Variants in APC observed in about 807,000 individuals in gnomAD.
APC encodes the protein adenomatous polyposis coli protein.
In APC, 72 loss-of-function variants were observed where a neutral mutation model predicts 247.0. The observed-to-expected ratio is 0.29, with a 90% confidence interval of 0.24 to 0.35. The LOEUF is 0.35. Among genes scored for constraint, APC ranks in the 10% least tolerant of loss-of-function variants. APC has a pLI of 1.00. For synonymous variants in APC, 1,254 were observed against 1,162.5 expected (o/e 1.08, Z -1.60); for missense variants, 3,400 against 3,360.7 (o/e 1.01, Z -0.29).
At chr5:112,815,425 C>G (rs914507634) in intron 8 of APC, 70 bp from the exon 9 acceptor site, 4 of 1,109,374 alleles carry the variant, frequency 3.6e-6, no homozygotes, top group Admixed American at 3.5e-5. Context: ...ATTTGGAGTA[C>G]CTTAACATGA....
At chr5:112,763,168 A>G (rs1158661736) in intron 2 of APC, among the ~76,000 whole-genome samples, 1 of 152,186 alleles carries the variant, frequency 6.6e-6, no homozygotes, top group Non-Finnish European at 1.5e-5. Context: ...TAAAAATAGA[A>G]CTTTATTACA....
At chr5:112,768,940 A>G (rs1756694674) in intron 4 of APC, among the ~76,000 whole-genome samples, 6 of 150,146 alleles carry the variant, frequency 4.0e-5, no homozygotes, top group Admixed American at 4.0e-4. Context: ...CTGTAATTTT[A>G]TATTCTTTAA....
upstream of APC, chr5:112,737,710 G>A (rs869312470): frequency 2.0e-5 from 9 of 445,942 alleles, no homozygotes; most frequent in Non-Finnish European, 2.4e-5. Flanking sequence ...GCGGTTGGGC[G>A]GGGCCCTGTG....
intron 1 of APC, among the ~76,000 whole-genome samples, chr5:112,716,190 T>TA (rs1751160475): frequency 6.6e-6 from 1 of 152,190 alleles, no homozygotes; most frequent in African/African-American, 2.4e-5. Flanking sequence ...TGTTTTTAAA[T>TA]ATGTTCATAA....
intron 2 of APC, among the ~76,000 whole-genome samples, chr5:112,760,040 T>C (rs1244234881): frequency 6.6e-6 from 1 of 152,194 alleles, no homozygotes; most frequent in Admixed American, 6.5e-5. Flanking sequence ...CTTTATTAAC[T>C]ATAATTCTTA....
chr5:112,724,251 TGAA>T (rs1561406833), intron 1 of APC, among the ~76,000 whole-genome samples: 1 of 151,924 alleles, frequency 6.6e-6, no homozygotes, highest in Non-Finnish European at 1.5e-5. Context: ...TGTATAGTTA[TGAA>T]GAAGAAAAAG....
chr5:112,802,885 A>G (rs541564267), intron 8 of APC, among the ~76,000 whole-genome samples: 1 of 152,236 alleles, frequency 6.6e-6, no homozygotes, highest in South Asian at 2.1e-4. Flanking sequence ...GTATTTATAT[A>G]CCAGCTATTT....
rs187077131 is a variant in APC, at chr5:112,758,516, G to A, written c.135+3491G>A. 6.2e-3 allele frequency among the ~76,000 whole-genome samples: 937 copies of A among 152,120 alleles called. 7 individuals are homozygous for A. Among genetic ancestry groups the A allele is most frequent in the Middle Eastern group, 0.01 (3 of 294 alleles). On this transcript the variant is annotated intron_variant, in intron 2 of 15. Transcript: ENST00000257430. ...TAATTTTTATATTTTTAGTACAGACGGGGTTTCACTATGTTGGCTAGGCTG... is the reference window on the plus strand; with the variant it reads ...TAATTTTTATATTTTTAGTACAGACAGGGTTTCACTATGTTGGCTAGGCTG...
At chr5:112,768,893 G>A (rs1055149238) in intron 4 of APC, among the ~76,000 whole-genome samples, 1 of 152,006 alleles carries the variant, frequency 6.6e-6, no homozygotes, top group African/African-American at 2.4e-5. Flanking sequence ...GTCCTATACA[G>A]TAGTGTAGAA....
At position 112,838,774 on chromosome 5, in the gene APC, A is replaced by T. The variant is rs1765353489; in HGVS notation, c.3180A>T (p.Ile1060=). 1 of 1,614,042 alleles carries T rather than the reference A, an allele frequency of 6.2e-7. No homozygotes were observed. The highest frequency in any genetic ancestry group is 1.7e-5 in the Admixed American group (1 of 60,004). ...ARPKHIIEDE[I]KQSEQRQSRN... is the part of the protein sequence containing the mutation. Reference sequence around the variant, plus strand: ...CCAAACACATAATAGAAGATGAAATAAAACAAAGTGAGCAAAGACAATCAA... The same window carrying T: ...CCAAACACATAATAGAAGATGAAATTAAACAAAGTGAGCAAAGACAATCAA... The change falls in exon 16 of 16, where the codon ATA becomes ATT. Residue 1060 remains isoleucine (I), a synonymous_variant. Coordinates refer to ENST00000257430, the MANE Select transcript of APC (RefSeq NM_000038.6).
At chr5:112,814,183 T>C (rs1222023987) in intron 8 of APC, among the ~76,000 whole-genome samples, 2 of 152,230 alleles carry the variant, frequency 1.3e-5, no homozygotes, top group Non-Finnish European at 2.9e-5. Context: ...CCTGCAAATA[T>C]TGCTGACACT....
intron 15 of APC, among the ~76,000 whole-genome samples, chr5:112,836,389 C>A (rs1233920577): frequency 6.6e-6 from 1 of 152,118 alleles, no homozygotes; most frequent in Non-Finnish European, 1.5e-5. Flanking sequence ...GCAGAAACTA[C>A]AAGCCTAGTC....
intron 14 of APC, among the ~76,000 whole-genome samples, chr5:112,834,161 CAA>C (rs1236476439): frequency 2.0e-5 from 3 of 149,554 alleles, no homozygotes; most frequent in Non-Finnish European, 4.4e-5. Flanking sequence ...AGGCTGGTCT[CAA>C]ATTCCTAAAC....
At chr5:112,741,010 A>T (rs1752950410) in intron 1 of APC, among the ~76,000 whole-genome samples, 1 of 152,178 alleles carries the variant, frequency 6.6e-6, no homozygotes, top group African/African-American at 2.4e-5. Context: ...TTGTATTAGA[A>T]TCTGAAACCT....
chr5:112,830,142 C>A (rs1764155677), intron 14 of APC, among the ~76,000 whole-genome samples: 1 of 151,676 alleles, frequency 6.6e-6, no homozygotes, highest in Non-Finnish European at 1.5e-5. Context: ...TTATTTTGTT[C>A]TTGGAAAACC....
rs187638847 is a variant in APC at position 112,828,028 on chromosome 5, G to C, written c.1626+22G>C. ...GCAGGTACTATTTAGAATTTCACCT[G>C]TTTTTCTTTTTTCTCTTTTTCTTTG... On this transcript the variant is annotated intron_variant, in intron 13 of 15. Coordinates refer to ENST00000257430, the MANE Select transcript of APC (RefSeq NM_000038.6). 2.3e-5 allele frequency: 37 copies of C among 1,604,282 alleles called. No individual in the cohort carries two copies. The African/African-American group carries it at 4.3e-4, about 19-fold the overall frequency.
rs73791439 is a variant in APC at position 112,712,114 on chromosome 5, C to T, written c.165+4232C>T. Among the ~76,000 whole-genome samples the T allele has an allele frequency of 7.0e-3, 1,059 of 152,254 alleles. 13 individuals are homozygous for T. The highest frequency in any genetic ancestry group is 0.024 in the African/African-American group (991 of 41,536). On this transcript the variant is annotated intron_variant, in intron 1 of 13. Coordinates refer to the APC transcript ENST00000507379. ...AGTGAATCTTACCTGAAAATAGAGA[C>T]TGCAACACAATACGGGGAAGGGGTG...
At chr5:112,756,513 T>C (rs2149744731) in intron 2 of APC, among the ~76,000 whole-genome samples, 1 of 152,366 alleles carries the variant, frequency 6.6e-6, no homozygotes, top group African/African-American at 2.4e-5. Flanking sequence ...TTTAAAAGTT[T>C]TAAAATACAG....
intron 1 of APC, among the ~76,000 whole-genome samples, chr5:112,723,142 A>AT (rs775363911): frequency 2.1e-4 from 25 of 120,790 alleles, no homozygotes; most frequent in Non-Finnish European, 4.1e-4. Flanking sequence ...CCTCAACATT[A>AT]TTAAAAAAAA....
Sources: allele counts gnomAD v4.1 joint callset (sites outside exome capture counted in the v4.1 genomes callset), GRCh38; gene constraint gnomAD v4.1.1; transcripts MANE v1.5; gene names NCBI Gene and HGNC (gene_info 2026-07-23, HGNC 2026-07-21).